Variants in STK38L observed in about 807,000 individuals in gnomAD.
STK38L encodes serine/threonine kinase 38 like, also known as serine/threonine-protein kinase 38-like.
Under a neutral mutation model 59.7 loss-of-function variants are expected in STK38L, and 28 were observed. The ratio of observed to expected loss-of-function variants is 0.47; its 90% CI spans 0.35 to 0.64. STK38L has a LOEUF of 0.64. Ranked by LOEUF, STK38L falls within the 30% of genes least tolerant of loss-of-function variation. The probability of loss-of-function intolerance (pLI) is 0.01; values close to 1 mark genes in which losing one functional copy is unlikely to be tolerated. For synonymous variants in STK38L, 162 were observed against 176.8 expected, an observed-to-expected ratio of 0.92 and a Z score of 0.66; for missense variants, 314 against 555.8, an observed-to-expected ratio of 0.56 and a Z score of 4.37.
At chr12:27,312,489 T>G in intron 5 of STK38L, 60 bp from the exon 6 acceptor site, 48 of 1,564,470 alleles carry the variant, frequency 3.1e-5, no homozygotes, top group Non-Finnish European at 3.8e-5. Context: ...GTGTAAGAGA[T>G]GAGTTTAACA....
At chr12:27,284,664 T>A (rs1250405981) in intron 1 of STK38L, among the ~76,000 whole-genome samples, 1 of 152,218 alleles carries the variant, frequency 6.6e-6, no homozygotes, top group African/African-American at 2.4e-5. Context: ...ACAATTTACT[T>A]TTTATTCCAT....
chr12:27,265,249 A>G (rs1204886124), intron 1 of STK38L, among the ~76,000 whole-genome samples: 1 of 152,178 alleles, frequency 6.6e-6, no homozygotes, highest in Non-Finnish European at 1.5e-5. Flanking sequence ...TTATGCATAT[A>G]AAGGGATAGG....
intron 1 of STK38L, among the ~76,000 whole-genome samples, chr12:27,259,340 A>C (rs1591851944): frequency 6.6e-6 from 1 of 152,162 alleles, no homozygotes; most frequent in Non-Finnish European, 1.5e-5. Context: ...ATGCAGGCTC[A>C]CAGTAGACAA....
Position 27,325,715 on chromosome 12 carries a change from A to C in STK38L, c.*3260A>C, listed in dbSNP as rs1944822990. ...ATATAAATATGAGACACTTGGGACTACTAGAGATATTTTAGATTTTTATGA... is the reference window on the plus strand; with the variant it reads ...ATATAAATATGAGACACTTGGGACTCCTAGAGATATTTTAGATTTTTATGA... On this transcript the variant is annotated 3_prime_UTR_variant, in exon 14 of 14. Coordinates refer to ENST00000389032, the MANE Select transcript of STK38L (RefSeq NM_015000.4). 1 of 152,228 alleles carries C rather than the reference A, an allele frequency of 6.6e-6. No homozygotes were observed. The highest frequency in any genetic ancestry group is 6.5e-5 in the Admixed American group (1 of 15,282). The allele number at this position is 152,228 out of a possible 1,614,324, so 9.4% of individuals were successfully genotyped here. A position where few individuals can be genotyped will look rare whatever the true frequency, so the allele number is the denominator to read the frequency against.
chr12:27,312,776 CT>C, intron 6 of STK38L, 104 bp downstream of exon 6: 1 of 1,355,982 alleles, frequency 7.4e-7, no homozygotes, highest in Non-Finnish European at 1.0e-6. Context: ...TGCTCTGAGG[CT>C]TTACATAGTC....
At chr12:27,263,362 T>G (rs1943241459) in intron 1 of STK38L, among the ~76,000 whole-genome samples, 1 of 152,152 alleles carries the variant, frequency 6.6e-6, no homozygotes, top group African/African-American at 2.4e-5. Context: ...TTTTATTTTA[T>G]TACACTTCTC....
chr12:27,312,893 G>T (rs1944488777), intron 6 of STK38L, among the ~76,000 whole-genome samples: 1 of 152,138 alleles, frequency 6.6e-6, no homozygotes, highest in Non-Finnish European at 1.5e-5. Context: ...ACCGTTCTGG[G>T]TTCACTGTAT....
chr12:27,310,982 A>G (rs987967256), intron 5 of STK38L, among the ~76,000 whole-genome samples: 47 of 152,198 alleles, frequency 3.1e-4, no homozygotes, highest in African/African-American at 1.1e-3. Context: ...ATTTATTTTA[A>G]TGCAAACCAC....
chr12:27,260,998 A>G (rs1943193404), intron 1 of STK38L, among the ~76,000 whole-genome samples: 2 of 152,148 alleles, frequency 1.3e-5, no homozygotes, highest in African/African-American at 4.8e-5. Flanking sequence ...TTTTCTCTGA[A>G]CATTTTGTAA....
chr12:27,269,364 T>G (rs1591865944), intron 1 of STK38L, among the ~76,000 whole-genome samples: 1 of 152,254 alleles, frequency 6.6e-6, no homozygotes, highest in Non-Finnish European at 1.5e-5. Flanking sequence ...CCAGCACCAT[T>G]TATTAAATAG....
In STK38L at chr12:27,308,303, A is replaced by T. The variant is rs1173488114; in HGVS notation, c.187-36A>T. 1.1e-5 allele frequency: 16 copies of T among 1,486,676 alleles called. No individual in the cohort carries two copies. The highest frequency in any genetic ancestry group is 1.3e-5 in the Non-Finnish European group (14 of 1,114,294). The allele number at this position is 1,486,676 out of a possible 1,614,324, so 92.1% of individuals were successfully genotyped here. A position where few individuals can be genotyped will look rare whatever the true frequency, so the allele number is the denominator to read the frequency against. ...GAAGCTCCATCAAAACAACCTAATT[A>T]TAAAATCATCCGTTTAAATTGTTTT... On this transcript the variant is annotated intron_variant, in intron 3 of 13. Coordinates refer to ENST00000389032, the MANE Select transcript of STK38L (RefSeq NM_015000.4). The surrounding 1 kb of genome is among the most constrained non-coding windows in gnomAD (Gnocchi z 4.5).
intron 1 of STK38L, among the ~76,000 whole-genome samples, chr12:27,254,677 G>A (rs906215513): frequency 1.3e-5 from 2 of 152,158 alleles, no homozygotes; most frequent in Non-Finnish European, 2.9e-5. Context: ...CCAGCGGTTG[G>A]CAGCTGTTTT....
At chr12:27,270,685 A>AT (rs762855420) in intron 1 of STK38L, among the ~76,000 whole-genome samples, 107 of 151,156 alleles carry the variant, frequency 7.1e-4, no homozygotes, top group Non-Finnish European at 1.2e-3. Flanking sequence ...GCGCTTTTAA[A>AT]TTTTTTTTTA....
intron 11 of STK38L, 40 bp from the exon 12 acceptor site, chr12:27,319,288 G>A: frequency 7.4e-7 from 1 of 1,350,728 alleles, no homozygotes; most frequent in Non-Finnish European, 1.1e-6. Context: ...TACTTTAGAT[G>A]TAACTTGTGT....
chr12:27,253,745 A>G (rs1439362245), intron 1 of STK38L, among the ~76,000 whole-genome samples: 2 of 152,214 alleles, frequency 1.3e-5, no homozygotes, highest in African/African-American at 2.4e-5. Flanking sequence ...TTTCAGGCCG[A>G]GAAGCCTCAG....
At chr12:27,260,809 TTG>T (rs1943189882) in intron 1 of STK38L, among the ~76,000 whole-genome samples, 1 of 152,210 alleles carries the variant, frequency 6.6e-6, no homozygotes, top group Non-Finnish European at 1.5e-5. Context: ...GGCTGGTATT[TTG>T]TGTCATTTGT....
rs1163057254 is a variant in STK38L, at chr12:27,323,235, C to T, written c.*780C>T. ...TTATATAACATGTAAAGTTGATTTT[C>T]TTGTGACAAGAGAACTTCTTTTTTT... On this transcript the variant is annotated 3_prime_UTR_variant, in exon 14 of 14. Transcript: ENST00000389032. 6.6e-6 allele frequency: 1 copy of T among 152,070 alleles called. No individual in the cohort carries two copies. 9.4% of individuals were successfully genotyped at this position (152,070 alleles called of 1,614,324 possible).
At position 27,295,262 on chromosome 12, in the gene STK38L, C is replaced by G. The variant is rs192496249; in HGVS notation, c.-11-2448C>G. 3.0e-4 allele frequency among the ~76,000 whole-genome samples: 46 copies of G among 152,252 alleles called. 1 individual carries two copies. In the East Asian group the frequency reaches 8.7e-3, roughly 29 times the overall value. ...GAATAGTATCTTACATTTGTATAAG[C>G]CATTGTGGCTTTCCTGTGTATTATC... On this transcript the variant is annotated intron_variant, in intron 1 of 13. Transcript: ENST00000389032.
rs1309055176 is a variant in STK38L at position 27,308,109 on chromosome 12, T to TAG, written c.187-228_187-227dup. On this transcript the variant is annotated intron_variant, in intron 3 of 13. Coordinates refer to ENST00000389032, the MANE Select transcript of STK38L (RefSeq NM_015000.4). This position sits in a 1 kb window ranked among gnomAD's most constrained non-coding sequence, Gnocchi z 4.5. ...AATAAGTTATACATATATATATATA[T>TAG]AGACAAATATGATGGACTGAATTAC... Among the ~76,000 whole-genome samples the TAG allele has an allele frequency of 6.6e-6, 1 of 151,560 alleles. No individual in the cohort carries two copies. Among genetic ancestry groups the TAG allele is most frequent in the African/African-American group, 2.4e-5 (1 of 41,286 alleles).
Sources: allele counts gnomAD v4.1 joint callset (sites outside exome capture counted in the v4.1 genomes callset), GRCh38; gene constraint gnomAD v4.1.1; non-coding constraint Gnocchi (gnomAD v3.1); transcripts MANE v1.5; gene names NCBI Gene and HGNC (gene_info 2026-07-23, HGNC 2026-07-21).